DYM: variants seen among roughly 807,000 people sequenced by gnomAD.
DYM encodes the protein dyggve-Melchior-Clausen syndrome protein.
DYM carries 78 observed loss-of-function variants against 93.1 expected under a neutral mutation model. That is an observed-to-expected ratio of 0.84 (90% CI 0.70 to 1.01). The LOEUF is 1.01. DYM is among the 50% of genes least tolerant of loss of function. The pLI is 0.00. For missense variants in DYM, 789 were observed against 845.0 expected (o/e 0.93, Z 0.82); for synonymous variants, 321 against 319.7 (o/e 1.00, Z -0.04).
intron 6 of DYM, among the ~76,000 whole-genome samples, chr18:49,348,207 G>A (rs1031721803): frequency 6.6e-6 from 1 of 152,174 alleles, no homozygotes; most frequent in African/African-American, 2.4e-5. Flanking sequence ...TGATGGTACT[G>A]TAAATGGAAC....
chr18:49,361,626 G>T (rs895950331), intron 6 of DYM, among the ~76,000 whole-genome samples: 3 of 152,224 alleles, frequency 2.0e-5, no homozygotes, highest in Non-Finnish European at 4.4e-5. Context: ...TATTCAGTGT[G>T]TCTGGGGATT....
rs777798085 is a variant in DYM, at chr18:49,333,872, A to G, written c.495-19T>C. 1 of 1,599,306 alleles carries G rather than the reference A, an allele frequency of 6.3e-7. No individual in the cohort carries two copies. The highest frequency in any genetic ancestry group is 1.7e-5 in the Admixed American group (1 of 59,958). ...AATATCTCTAAAATGGAAGAAAAAC[A>G]GAGTAACAGTCACTTTGGAAGATTA... On this transcript the variant is annotated intron_variant, in intron 6 of 17. Coordinates refer to ENST00000675505, the MANE Select transcript of DYM (RefSeq NM_001353214.3).
chr18:49,186,679 G>A (rs1280935890), intron 14 of DYM, among the ~76,000 whole-genome samples: 2 of 151,920 alleles, frequency 1.3e-5, no homozygotes, highest in Non-Finnish European at 2.9e-5. Context: ...ACTACTATGA[G>A]GTTCACCATC....
At chr18:49,397,739 T>C (rs1172128595) in intron 2 of DYM, among the ~76,000 whole-genome samples, 1 of 152,208 alleles carries the variant, frequency 6.6e-6, no homozygotes, top group African/African-American at 2.4e-5. Flanking sequence ...CCACCTGAAA[T>C]GGTCCAAACT....
At chr18:49,252,233 A>AAAAAAAAAAAAG (rs2094305910) in intron 13 of DYM, among the ~76,000 whole-genome samples, 1 of 146,640 alleles carries the variant, frequency 6.8e-6, no homozygotes, top group Non-Finnish European at 1.5e-5. Context: ...AAAAAAAAAA[A>AAAAAAAAAAAAG]AAAAAAAAAG....
At chr18:49,316,159 G>A (rs1302245903) in intron 8 of DYM, among the ~76,000 whole-genome samples, 1 of 152,076 alleles carries the variant, frequency 6.6e-6, no homozygotes, top group East Asian at 1.9e-4. Flanking sequence ...GCGCATGCCT[G>A]TAATCCCAGC....
In DYM at chr18:49,245,893, C is replaced by G. The variant is rs574759851; in HGVS notation, c.1460+11117G>C. On this transcript the variant is annotated intron_variant, in intron 13 of 17. Coordinates refer to ENST00000675505, the MANE Select transcript of DYM (RefSeq NM_001353214.3). Reference sequence around the variant, plus strand: ...TAAAATTCTTCTCTTTGTGCTCTTTCTCTTTATTTCTCAGACCAGCCGACA... The same window carrying G: ...TAAAATTCTTCTCTTTGTGCTCTTTGTCTTTATTTCTCAGACCAGCCGACA... Among the ~76,000 whole-genome samples, 19 of 152,274 alleles carry G rather than the reference C, an allele frequency of 1.2e-4. No individual in the cohort carries two copies. The South Asian group carries it at 3.9e-3, about 32-fold the overall frequency.
chr18:49,107,015 C>G (rs910953444), intron 16 of DYM, among the ~76,000 whole-genome samples: 2 of 152,202 alleles, frequency 1.3e-5, no homozygotes, highest in African/African-American at 4.8e-5. Flanking sequence ...CAACTTGGTT[C>G]CATTCTCCCC....
chr18:49,442,297 C>T (rs141502508), intron 1 of DYM, among the ~76,000 whole-genome samples: 2 of 152,148 alleles, frequency 1.3e-5, no homozygotes, highest in East Asian at 3.8e-4. Context: ...AGAATCCCAG[C>T]GCTTTGGGAA....
intron 1 of DYM, among the ~76,000 whole-genome samples, chr18:49,446,133 T>A (rs2082074999): frequency 6.6e-6 from 1 of 152,072 alleles, no homozygotes; most frequent in Admixed American, 6.6e-5. Flanking sequence ...CTTAAAAGAA[T>A]TTTTAGGGCC....
At chr18:49,251,897 T>C (rs935060703) in intron 13 of DYM, among the ~76,000 whole-genome samples, 3 of 152,008 alleles carry the variant, frequency 2.0e-5, no homozygotes, top group Non-Finnish European at 4.4e-5. Flanking sequence ...GGTGGTGTTA[T>C]AGTCAGTTCT....
At chr18:49,317,020 C>G (rs1426467480) in intron 8 of DYM, among the ~76,000 whole-genome samples, 2 of 152,154 alleles carry the variant, frequency 1.3e-5, no homozygotes, top group African/African-American at 4.8e-5. Context: ...ACCCTGAGTA[C>G]TGTACAACAC....
intron 14 of DYM, among the ~76,000 whole-genome samples, chr18:49,199,060 G>A (rs1022680997): frequency 3.9e-5 from 6 of 152,202 alleles, no homozygotes; most frequent in Non-Finnish European, 7.3e-5. Flanking sequence ...AAAAAAGGAT[G>A]AGTTAATGTC....
At chr18:49,344,893 A>G (rs1282848410) in intron 6 of DYM, among the ~76,000 whole-genome samples, 1 of 152,220 alleles carries the variant, frequency 6.6e-6, no homozygotes, top group African/African-American at 2.4e-5. Context: ...AGAGGGGCAG[A>G]TAAATAAATA....
chr18:49,343,911 A>G (rs2064360903), intron 6 of DYM, among the ~76,000 whole-genome samples: 1 of 151,540 alleles, frequency 6.6e-6, no homozygotes, highest in Admixed American at 6.6e-5. Context: ...AGTTCAGGAC[A>G]GGCTTGGGCA....
At chr18:49,441,649 G>A (rs564878006) in intron 1 of DYM, among the ~76,000 whole-genome samples, 1 of 152,046 alleles carries the variant, frequency 6.6e-6, no homozygotes, top group Non-Finnish European at 1.5e-5. Flanking sequence ...CAAGGGAAGT[G>A]TGGAAGATGG....
intron 6 of DYM, among the ~76,000 whole-genome samples, chr18:49,360,641 T>G (rs1280418043): frequency 6.6e-6 from 1 of 150,394 alleles, no homozygotes; most frequent in South Asian, 2.1e-4. Flanking sequence ...AGAAAAAAAA[T>G]TGCAGGTGGT....
intron 2 of DYM, among the ~76,000 whole-genome samples, chr18:49,393,310 ACCC>A (rs1316615717): frequency 5.3e-5 from 8 of 152,174 alleles, no homozygotes; most frequent in Non-Finnish European, 5.9e-5. Flanking sequence ...CCGGGTAGAT[ACCC>A]AAAAGAAGTG....
chr18:49,241,675 A>G (rs1357425119), intron 13 of DYM, among the ~76,000 whole-genome samples: 2 of 152,224 alleles, frequency 1.3e-5, no homozygotes, highest in Non-Finnish European at 2.9e-5. Context: ...TGCAATTCTG[A>G]TAGATGAAAT....
Sources: allele counts gnomAD v4.1 joint callset (sites outside exome capture counted in the v4.1 genomes callset), GRCh38; gene constraint gnomAD v4.1.1; transcripts MANE v1.5; gene names NCBI Gene and HGNC (gene_info 2026-07-23, HGNC 2026-07-21).